NALF1: variants seen among roughly 807,000 people sequenced by gnomAD.
NALF1 encodes NALCN channel auxiliary factor 1.
NALF1 carries 3 observed loss-of-function variants against 48.4 expected under a neutral mutation model. That is an observed-to-expected ratio of 0.06 (90% CI 0.03 to 0.16). The LOEUF is 0.16. Among genes scored for constraint, NALF1 ranks in the 10% least tolerant of loss-of-function variants. NALF1 has a pLI of 1.00. For synonymous variants in NALF1, 262 were observed against 245.7 expected (o/e 1.07, Z -0.62); for missense variants, 526 against 571.5 (o/e 0.92, Z 0.81).
chr13:107,256,037 G>T (rs1188239425), intron 1 of NALF1, among the ~76,000 whole-genome samples: 1 of 151,852 alleles, frequency 6.6e-6, no homozygotes, highest in East Asian at 1.9e-4. Context: ...CTCACAACAG[G>T]GATATTCAGA....
At chr13:107,416,808 A>G (rs187087835) in intron 1 of NALF1, among the ~76,000 whole-genome samples, 1 of 152,198 alleles carries the variant, frequency 6.6e-6, no homozygotes, top group Non-Finnish European at 1.5e-5. Context: ...TTAAAACAGT[A>G]TTTACATATT....
intron 1 of NALF1, among the ~76,000 whole-genome samples, chr13:107,683,045 C>T (rs768689508): frequency 3.9e-5 from 6 of 152,030 alleles, no homozygotes; most frequent in Non-Finnish European, 5.9e-5. Context: ...GGAGGATTGC[C>T]GGAGCCAGGA....
At chr13:107,845,686 C>A (rs1880154330) in intron 1 of NALF1, among the ~76,000 whole-genome samples, 1 of 152,116 alleles carries the variant, frequency 6.6e-6, no homozygotes, top group Admixed American at 6.5e-5. Context: ...AACCCCTAGG[C>A]TTTTTGGGAG....
chr13:107,693,125 AG>A (rs1881604808), intron 1 of NALF1, among the ~76,000 whole-genome samples: 1 of 152,204 alleles, frequency 6.6e-6, no homozygotes. Flanking sequence ...ACAGTGTAAA[AG>A]AATTTCCGTT....
At chr13:107,401,355 C>G (rs1883804609) in intron 1 of NALF1, among the ~76,000 whole-genome samples, 1 of 152,146 alleles carries the variant, frequency 6.6e-6, no homozygotes, top group Non-Finnish European at 1.5e-5. Context: ...ATCCTCCCCT[C>G]AAAAGGGGTT....
intron 1 of NALF1, among the ~76,000 whole-genome samples, chr13:107,581,978 C>T (rs1308587238): frequency 6.6e-6 from 1 of 152,140 alleles, no homozygotes; most frequent in African/African-American, 2.4e-5. Context: ...TTTCATGTGA[C>T]TCATTTACTC....
intron 1 of NALF1, among the ~76,000 whole-genome samples, chr13:107,484,969 T>C (rs567352995): frequency 3.9e-5 from 6 of 152,174 alleles, no homozygotes; most frequent in Non-Finnish European, 8.8e-5. Flanking sequence ...GTCAAAGTAC[T>C]TGAGCAGTGG....
At chr13:107,753,479 C>G (rs574247319) in intron 1 of NALF1, among the ~76,000 whole-genome samples, 3 of 149,286 alleles carry the variant, frequency 2.0e-5, no homozygotes, top group Non-Finnish European at 4.4e-5. Flanking sequence ...TTGGTCATAA[C>G]AAAACCAAGG....
At chr13:107,446,961 A>T (rs957260548) in intron 1 of NALF1, among the ~76,000 whole-genome samples, 1 of 152,222 alleles carries the variant, frequency 6.6e-6, no homozygotes, top group Non-Finnish European at 1.5e-5. Flanking sequence ...TTCTCTCACC[A>T]TTGTATGCTT....
chr13:107,569,544 G>C (rs1345837942), intron 1 of NALF1, among the ~76,000 whole-genome samples: 1 of 151,870 alleles, frequency 6.6e-6, no homozygotes, highest in East Asian at 1.9e-4. Context: ...AATCTGTTTG[G>C]CATAGTTCTG....
rs1441679236 is a variant in NALF1, at chr13:107,164,172, C to T, written c.*6325G>A. ...GTATTCATAGATCAATGCTCATTAC[C>T]TGGTCTTCACTGAAGTTGTAAATTT... On this transcript the variant is annotated 3_prime_UTR_variant, in exon 3 of 3. Transcript: ENST00000375915. 6.6e-6 allele frequency: 1 copy of T among 152,254 alleles called. No homozygotes were observed. Among genetic ancestry groups the T allele is most frequent in the East Asian group, 1.9e-4 (1 of 5,162 alleles). The allele number at this position is 152,254 out of a possible 1,614,324, so 9.4% of individuals were successfully genotyped here.
intron 1 of NALF1, among the ~76,000 whole-genome samples, chr13:107,859,914 C>CAAAAA (rs778833499): frequency 6.8e-4 from 45 of 66,348 alleles, no homozygotes; most frequent in Non-Finnish European, 8.9e-4. Flanking sequence ...AACTCCAACT[C>CAAAAA]AAAAAAAAAA....
intron 1 of NALF1, among the ~76,000 whole-genome samples, chr13:107,717,060 G>A (rs1488430467): frequency 2.0e-5 from 3 of 152,106 alleles, no homozygotes; most frequent in Non-Finnish European, 4.4e-5. Flanking sequence ...TATTTCAACT[G>A]TCCTCAAAGC....
intron 1 of NALF1, among the ~76,000 whole-genome samples, chr13:107,336,772 T>C (rs1019424303): frequency 6.6e-6 from 1 of 152,184 alleles, no homozygotes; most frequent in African/African-American, 2.4e-5. Context: ...TAAATTTAGG[T>C]TCATAAATGA....
chr13:107,629,154 A>C (rs1203183685), intron 1 of NALF1, among the ~76,000 whole-genome samples: 1 of 152,196 alleles, frequency 6.6e-6, no homozygotes, highest in Non-Finnish European at 1.5e-5. Context: ...ATTGAAGGCC[A>C]AGTTGACACT....
rs187770419 is a variant in NALF1, at chr13:107,232,934, G to A, written c.916-22179C>T. Reference sequence around the variant, plus strand: ...TTATGGATACACGAACTGAGACTCAGAGAAGCCAAAACACTTGCCTATGGT... The same window carrying A: ...TTATGGATACACGAACTGAGACTCAAAGAAGCCAAAACACTTGCCTATGGT... On this transcript the variant is annotated intron_variant, in intron 1 of 2. Transcript: ENST00000375915. Among the ~76,000 whole-genome samples the A allele has an allele frequency of 4.7e-4, 71 of 152,302 alleles. 1 individual carries two copies. In the Middle Eastern group the frequency reaches 0.01, roughly 22 times the overall value.
chr13:107,654,055 G>A (rs7336744), intron 1 of NALF1, among the ~76,000 whole-genome samples: 72,886 of 151,278 alleles, frequency 0.48, 17,669 homozygotes, highest in East Asian at 0.65. Context: ...GAACTAAATG[G>A]AATTGAAACA....
chr13:107,211,841 CT>C (rs1399980037), intron 1 of NALF1, among the ~76,000 whole-genome samples: 2 of 152,178 alleles, frequency 1.3e-5, no homozygotes, highest in Admixed American at 1.3e-4. Flanking sequence ...ACTTTATACT[CT>C]TTTCTAAGTA....
At chr13:107,598,378 T>G (rs1427170053) in intron 1 of NALF1, among the ~76,000 whole-genome samples, 1 of 152,224 alleles carries the variant, frequency 6.6e-6, no homozygotes, top group Non-Finnish European at 1.5e-5. Context: ...TGTTTTTAAG[T>G]AATCACTGTC....
Sources: gnomAD v4.1 joint callset for allele counts (sites outside exome capture counted in the v4.1 genomes callset) on GRCh38, gnomAD v4.1.1 for gene constraint, MANE v1.5 for transcripts, NCBI Gene and HGNC (gene_info 2026-07-23, HGNC 2026-07-21) for gene names.